Variants in WWP2 observed in about 807,000 individuals in gnomAD.
WWP2 encodes WW domain containing E3 ubiquitin protein ligase 2.
WWP2 carries 57 observed loss-of-function variants against 121.0 expected under a neutral mutation model. That is an observed-to-expected ratio of 0.47 (90% confidence interval 0.38 to 0.59). The LOEUF (loss-of-function observed/expected upper bound fraction) is 0.59, where lower values mean the gene tolerates loss of function less well. Among genes scored for constraint, WWP2 ranks in the 20% least tolerant of loss-of-function variants. WWP2 has a pLI of 0.00. For synonymous variants in WWP2, 449 were observed against 441.3 expected (o/e 1.02, Z -0.22); for missense variants, 962 against 1,158.9 (o/e 0.83, Z 2.47).
chr16:69,870,139 A>G (rs1165790656), intron 6 of WWP2, among the ~76,000 whole-genome samples: 2 of 152,152 alleles, frequency 1.3e-5, no homozygotes, highest in African/African-American at 4.8e-5. Context: ...GCTTATCTGT[A>G]AAGCGGGGAT....
At chr16:69,768,574 C>T (rs528550768) in intron 1 of WWP2, among the ~76,000 whole-genome samples, 2 of 152,238 alleles carry the variant, frequency 1.3e-5, no homozygotes, top group African/African-American at 4.8e-5. Flanking sequence ...TGCATCACTG[C>T]CCTCTAGCCT....
rs2058845955 is a variant in WWP2 at position 69,939,365 on chromosome 16, G to T, written c.2465G>T (p.Cys822Phe). Residue 822 changes from cysteine (C) to phenylalanine (F), a missense_variant, in exon 23 of 24, where the codon TGC (cysteine) becomes TTC (phenylalanine). Physicochemically the swap from Cys to Phe is radical, Grantham distance 205 (BLOSUM62 -2). Transcript: ENST00000359154. ...GGTAGCAACGGACCACAGAAGTTTT[G>T]CATTGACAAAGTTGGCAAGGAAACC... ...LIGSNGPQKF[C>F]IDKVGKETWL... 6.2e-7 allele frequency: 1 copy of T among 1,614,198 alleles called. No individual in the cohort carries two copies. Among genetic ancestry groups the T allele is most frequent in the Non-Finnish European group, 8.5e-7 (1 of 1,180,032 alleles).
intron 7 of WWP2, among the ~76,000 whole-genome samples, chr16:69,884,947 ATTAT>A (rs1403618071): frequency 1.3e-5 from 2 of 152,204 alleles, no homozygotes; most frequent in Non-Finnish European, 1.5e-5. Context: ...GAATTATTTA[ATTAT>A]TTAAGCCTAT....
intron 1 of WWP2, among the ~76,000 whole-genome samples, chr16:69,766,234 C>G (rs2038726871): frequency 6.6e-6 from 1 of 152,160 alleles, no homozygotes; most frequent in South Asian, 2.1e-4. Flanking sequence ...TCTCACACCC[C>G]ACATCCAACT....
intron 4 of WWP2, among the ~76,000 whole-genome samples, chr16:69,817,947 A>C (rs187628362): frequency 3.4e-4 from 52 of 151,716 alleles, no homozygotes; most frequent in Admixed American, 3.4e-3. Flanking sequence ...CCCTACAGTA[A>C]ATTCCCAGGC....
At position 69,787,520 on chromosome 16, in the gene WWP2, T is replaced by C. The variant is rs753062895; in HGVS notation, c.70+440T>C. Among the ~76,000 whole-genome samples the C allele has an allele frequency of 1.6e-4, 25 of 152,052 alleles. 1 individual carries two copies. The highest frequency in any genetic ancestry group is 2.8e-4 in the Non-Finnish European group (19 of 67,992). ...TGGGAGGATCGCTTGAGCCTGGGAG[T>C]TCAAGGCTGCAGTGAGCTGTGATCA... is the stretch of plus-strand genomic sequence containing the variant. On this transcript the variant is annotated intron_variant, in intron 2 of 23. Coordinates refer to ENST00000359154, the MANE Select transcript of WWP2 (RefSeq NM_001270454.2).
intron 8 of WWP2, among the ~76,000 whole-genome samples, chr16:69,896,618 G>A (rs2058108077): frequency 6.6e-6 from 1 of 151,490 alleles, no homozygotes; most frequent in Non-Finnish European, 1.5e-5. Context: ...GCCCATTGAT[G>A]GAAAATTAGA....
At chr16:69,778,072 A>AATAT (rs138021233) in intron 1 of WWP2, among the ~76,000 whole-genome samples, 3,071 of 137,466 alleles carry the variant, frequency 0.022, 57 homozygotes, top group Middle Eastern at 0.078. Context: ...CCCTGTCTCA[A>AATAT]ATATATATAT....
At chr16:69,789,345 T>G (rs1027477040) in intron 2 of WWP2, among the ~76,000 whole-genome samples, 2 of 152,184 alleles carry the variant, frequency 1.3e-5, no homozygotes, top group African/African-American at 4.8e-5. Flanking sequence ...TTCTTCTGCC[T>G]CAGCCTCCTC....
At position 69,860,566 on chromosome 16, in the gene WWP2, C is replaced by T. The variant is rs74029720; in HGVS notation, c.576-11238C>T. 7.7e-3 allele frequency among the ~76,000 whole-genome samples: 1,179 copies of T among 152,292 alleles called. 14 individuals carry two copies. The highest frequency in any genetic ancestry group is 0.027 in the African/African-American group (1,107 of 41,554). On this transcript the variant is annotated intron_variant, in intron 6 of 23. Coordinates refer to ENST00000359154, the MANE Select transcript of WWP2 (RefSeq NM_001270454.2). ...GGGTGGAAAGTCCAGGAAGAGAATG[C>T]CGGGCAAGTAGATCAGCAAAGGGTC...
rs117628648 is a variant in WWP2, at chr16:69,799,938, C to T, written c.340+643C>T. Among the ~76,000 whole-genome samples, 17 of 152,130 alleles carry T rather than the reference C, an allele frequency of 1.1e-4. No individual in the cohort carries two copies. Among genetic ancestry groups the T allele is most frequent in the African/African-American group, 2.4e-4 (10 of 41,480 alleles). ...TGGTATTGGACCCTCCTTCATAAGG[C>T]CTCTATTCAGAGCAGTACCATATGT... On this transcript the variant is annotated intron_variant, in intron 4 of 23. Transcript: ENST00000359154. This position sits in a 1 kb window ranked among gnomAD's most constrained non-coding sequence, Gnocchi z 4.5.
chr16:69,825,903 C>T (rs1000215585), intron 4 of WWP2, among the ~76,000 whole-genome samples: 4 of 152,052 alleles, frequency 2.6e-5, no homozygotes, highest in South Asian at 2.1e-4. Context: ...GGATTACAGA[C>T]GTGAGCCACC....
rs11337802 is a variant in WWP2, at chr16:69,916,036, C to CA, written c.1005-1658dup. On this transcript the variant is annotated intron_variant, in intron 9 of 23. Transcript: ENST00000359154. Reference sequence around the variant, plus strand: ...CTGGACTAACAGAGTGAGACCCTGTCAAAAAAAAAAAAAAATCTTTGGTAA... The same window carrying CA: ...CTGGACTAACAGAGTGAGACCCTGTCAAAAAAAAAAAAAAAATCTTTGGTAA... 4.8e-4 allele frequency among the ~76,000 whole-genome samples: 65 copies of CA among 136,802 alleles called. 1 individual carries two copies. The highest frequency in any genetic ancestry group is 3.6e-3 in the Middle Eastern group (1 of 276). 89.7% of individuals were successfully genotyped at this position (136,802 alleles called of 152,430 possible). A position where few individuals can be genotyped will look rare whatever the true frequency, so the allele number is the denominator to read the frequency against.
chr16:69,911,627 G>A (rs2058380251), intron 9 of WWP2, among the ~76,000 whole-genome samples: 1 of 152,118 alleles, frequency 6.6e-6, no homozygotes, highest in Non-Finnish European at 1.5e-5. Context: ...TCACTGTTCT[G>A]TGCAAGATTT....
chr16:69,842,740 G>A (rs954801846), intron 6 of WWP2, among the ~76,000 whole-genome samples: 6 of 152,132 alleles, frequency 3.9e-5, no homozygotes, highest in Non-Finnish European at 8.8e-5. Context: ...CACCATCACA[G>A]CTCATAGCAG....
chr16:69,828,769 A>G (rs1597014356), intron 4 of WWP2, among the ~76,000 whole-genome samples: 1 of 152,200 alleles, frequency 6.6e-6, no homozygotes, highest in Admixed American at 6.5e-5. Context: ...GTCATCATCT[A>G]TTTAACTGTT....
At position 69,809,111 on chromosome 16, in the gene WWP2, C is replaced by G. The variant is rs553778071; in HGVS notation, c.340+9816C>G. On this transcript the variant is annotated intron_variant, in intron 4 of 23. Coordinates refer to ENST00000359154, the MANE Select transcript of WWP2 (RefSeq NM_001270454.2). Reference sequence around the variant, plus strand: ...TTGGTTGTAGCTATTGCTGCTGTTGCTGGCACCAGCCGTAGCACGTTGTGC... The same window carrying G: ...TTGGTTGTAGCTATTGCTGCTGTTGGTGGCACCAGCCGTAGCACGTTGTGC... 5.9e-5 allele frequency among the ~76,000 whole-genome samples: 9 copies of G among 152,332 alleles called. No individual in the cohort carries two copies. The South Asian group carries it at 1.9e-3, about 32-fold the overall frequency.
intron 6 of WWP2, among the ~76,000 whole-genome samples, chr16:69,861,374 T>A (rs1398836568): frequency 2.6e-5 from 4 of 152,230 alleles, no homozygotes; most frequent in Non-Finnish European, 5.9e-5. Flanking sequence ...AGGTGAGTTT[T>A]TTTAGTCTAA....
At chr16:69,927,058 T>G (rs1165516745) in intron 11 of WWP2, among the ~76,000 whole-genome samples, 1 of 151,910 alleles carries the variant, frequency 6.6e-6, no homozygotes, top group East Asian at 1.9e-4. Flanking sequence ...ATATTTGAGA[T>G]AGAAATGGAG....
Sources: gnomAD v4.1 joint callset for allele counts (sites outside exome capture counted in the v4.1 genomes callset) on GRCh38, gnomAD v4.1.1 for gene constraint, Gnocchi (gnomAD v3.1) non-coding constraint, MANE v1.5 for transcripts, NCBI Gene and HGNC (gene_info 2026-07-23, HGNC 2026-07-21) for gene names.